Variants in NOC3L observed in about 807,000 individuals in gnomAD.
NOC3L encodes NOC3 like DNA replication regulator.
Under a neutral mutation model 102.5 loss-of-function variants are expected in NOC3L, and 85 were observed. The ratio of observed to expected loss-of-function variants is 0.83; its 90% confidence interval spans 0.70 to 0.99. NOC3L has a LOEUF of 0.99. NOC3L is among the 50% of genes least tolerant of loss of function. NOC3L has a pLI of 0.00. For synonymous variants in NOC3L, 303 were observed against 309.4 expected, an observed-to-expected ratio of 0.98 and a Z score of 0.22; for missense variants, 878 against 914.9, an observed-to-expected ratio of 0.96 and a Z score of 0.52.
At chr10:94,325,396 G>C in the NOC3L span, 1 of 315,440 alleles carries the variant, frequency 3.2e-6, no homozygotes, top group Admixed American at 4.6e-5. Flanking sequence ...GTCAGTTCAA[G>C]ACCAGCCTGA....
At chr10:94,346,581 T>C (rs2054346556) in intron 10 of NOC3L, 25 bp from the exon 11 acceptor site, 1 of 1,252,290 alleles carries the variant, frequency 8.0e-7, no homozygotes, top group Non-Finnish European at 1.1e-6. Context: ...AAAACACAAA[T>C]ATACAGCTTA....
At chr10:94,362,380 C>G (rs1029802374) in intron 1 of NOC3L, among the ~76,000 whole-genome samples, 1 of 152,188 alleles carries the variant, frequency 6.6e-6, no homozygotes, top group Admixed American at 6.5e-5. Flanking sequence ...GATTCCACTT[C>G]TCTTGCTGGT....
the NOC3L span, chr10:94,316,704 G>A: frequency 6.2e-7 from 1 of 1,614,082 alleles, no homozygotes; most frequent in Non-Finnish European, 8.5e-7. Flanking sequence ...TTAAGCAGCT[G>A]GTTTCCAGAA....
intron 13 of NOC3L, among the ~76,000 whole-genome samples, chr10:94,343,909 G>C (rs2054313879): frequency 6.6e-6 from 1 of 151,998 alleles, no homozygotes; most frequent in African/African-American, 2.4e-5. Context: ...ATGTTCTATA[G>C]GATACCACCT....
chr10:94,315,769 CAA>C, the NOC3L span, among the ~76,000 whole-genome samples: 34,727 of 121,558 alleles, frequency 0.29, 4,002 homozygotes, highest in Admixed American at 0.39. Flanking sequence ...GACTCTGTCT[CAA>C]AAAAAAAAAA....
chr10:94,331,678 CT>C (rs899274527), downstream of NOC3L: 2 of 152,122 alleles, frequency 1.3e-5, no homozygotes, highest in African/African-American at 4.8e-5. Context: ...GAGATTGTCT[CT>C]TATACAGAGT....
chr10:94,327,738 AAC>A, the NOC3L span, among the ~76,000 whole-genome samples: 1 of 152,200 alleles, frequency 6.6e-6, no homozygotes, highest in Non-Finnish European at 1.5e-5. Context: ...TTTTTAAAAA[AAC>A]AAACTTTCTA....
chr10:94,340,413 T>C lies in NOC3L; in HGVS notation c.1708+20A>G. 6.2e-7 allele frequency: 1 copy of C among 1,606,050 alleles called. No homozygotes were observed. Among genetic ancestry groups the C allele is most frequent in the Non-Finnish European group, 8.5e-7 (1 of 1,176,380 alleles). Reference sequence around the variant, plus strand: ...ATTCAAAGGTAAGGCAAACAAAACTTGATTAAGAAAATATCATACCTTGTC... The same window carrying C: ...ATTCAAAGGTAAGGCAAACAAAACTCGATTAAGAAAATATCATACCTTGTC... On this transcript the variant is annotated intron_variant, in intron 15 of 20. Transcript: ENST00000371361.
chr10:94,342,066 G>A (rs865968762), intron 13 of NOC3L, among the ~76,000 whole-genome samples: 1 of 152,172 alleles, frequency 6.6e-6, no homozygotes, highest in Non-Finnish European at 1.5e-5. Flanking sequence ...CGGCAGGATC[G>A]GCTTCTAAGA....
At chr10:94,324,988 T>C in the NOC3L span, 10 of 1,614,024 alleles carry the variant, frequency 6.2e-6, no homozygotes, top group Non-Finnish European at 6.8e-6. Context: ...TACATCACCT[T>C]CTCAGCTCTT....
chr10:94,320,310 A>AT, the NOC3L span, among the ~76,000 whole-genome samples: 4 of 151,924 alleles, frequency 2.6e-5, no homozygotes, highest in Non-Finnish European at 5.9e-5. Flanking sequence ...AATCAAATGG[A>AT]TTTTTTCACT....
rs1202096281 is a variant in NOC3L, at chr10:94,333,442, CAGAATGGT to C, written c.*727_*734del. The C allele has an allele frequency of 2.0e-5, 3 of 152,116 alleles. No homozygotes were observed. Among genetic ancestry groups the C allele is most frequent in the Non-Finnish European group, 4.4e-5 (3 of 68,014 alleles). 9.4% of individuals were successfully genotyped at this position (152,116 alleles called of 1,614,324 possible). On this transcript the variant is annotated 3_prime_UTR_variant, in exon 21 of 21. Coordinates refer to ENST00000371361, the MANE Select transcript of NOC3L (RefSeq NM_022451.11). ...CATTGAGTATCCTTTGTCTCTAGAT[CAGAATGGT>C]AAAGTCTTGGGCCTGGTTCTTCTAC...
rs1484111564 is a variant in NOC3L, at chr10:94,358,187, T to C, written c.246A>G (p.Glu82=). Residue 82 remains glutamate (E), a synonymous_variant, in exon 3 of 21, where the codon GAA becomes GAG. Coordinates refer to ENST00000371361, the MANE Select transcript of NOC3L (RefSeq NM_022451.11). ...TATCTAAAGGAAGGGCTTCTTCTTC[T>C]TCCTCTTCTTCCCTCTCAATCCTTT... ...PGKRIEREEE[E]EEEALPLDMM... The C allele has an allele frequency of 6.3e-6, 10 of 1,585,266 alleles. No homozygotes were observed. The highest frequency in any genetic ancestry group is 1.7e-5 in the Admixed American group (1 of 59,962).
At position 94,349,346 on chromosome 10, in the gene NOC3L, TTTCTTCAC is replaced by T; in HGVS notation, c.1153_1160del (p.Val385ThrfsTer3). 2 of 1,581,010 alleles carry T rather than the reference TTTCTTCAC, an allele frequency of 1.3e-6. No individual in the cohort carries two copies. The highest frequency in any genetic ancestry group is 1.7e-6 in the Non-Finnish European group (2 of 1,171,456). On this transcript the variant is annotated frameshift_variant, in exon 10 of 21. Coordinates refer to ENST00000371361, the MANE Select transcript of NOC3L (RefSeq NM_022451.11). LOFTEE classifies it high-confidence loss of function. The stretch of plus-strand genomic sequence containing the variant: ...GGCCTAATTTATCTTGCTTAAAGAG[TTTCTTCAC>T]AGCTTCACAACACATTTCAGATATC...
At chr10:94,324,821 T>C in the NOC3L span, 2 of 1,470,008 alleles carry the variant, frequency 1.4e-6, no homozygotes, top group Admixed American at 1.7e-5. Flanking sequence ...AGCGCTCTTC[T>C]GAAATAGTGT....
chr10:94,321,010 AAGATAC>A, the NOC3L span, among the ~76,000 whole-genome samples: 1 of 152,210 alleles, frequency 6.6e-6, no homozygotes, highest in African/African-American at 2.4e-5. Context: ...AATTTTTAAT[AAGATAC>A]ATATATCTGT....
At chr10:94,350,552 A>T (rs183835507) in intron 8 of NOC3L, among the ~76,000 whole-genome samples, 5 of 143,070 alleles carry the variant, frequency 3.5e-5, no homozygotes, top group African/African-American at 5.1e-5. Context: ...CTACTAACAT[A>T]AAAAAAAAAA....
Position 94,338,687 on chromosome 10 carries a change from C to T in NOC3L, c.2012G>A (p.Gly671Glu), listed in dbSNP as rs759511726. 1.7e-5 allele frequency: 28 copies of T among 1,613,170 alleles called. No homozygotes were observed. Among genetic ancestry groups the T allele is most frequent in the Middle Eastern group, 1.6e-4 (1 of 6,082 alleles). Reference sequence around the variant, plus strand: ...CTCATCCAGTTCAGGAAGGAAAACTCCACTTCCCTGAGATTCACTGTCAAG... The same window carrying T: ...CTCATCCAGTTCAGGAAGGAAAACTTCACTTCCCTGAGATTCACTGTCAAG... ...LLLDSESQGS[G>E]VFLPELDEPE... Residue 671 changes from glycine to glutamate, a missense_variant, in exon 18 of 21, where the codon GGA becomes GAA. By Grantham distance (98) the Gly-to-Glu change is moderately conservative. Coordinates refer to ENST00000371361, the MANE Select transcript of NOC3L (RefSeq NM_022451.11).
In NOC3L at chr10:94,336,684, T is replaced by A. The variant is rs560266150; in HGVS notation, c.2189+1093A>T. Among the ~76,000 whole-genome samples, 5 of 152,240 alleles carry A rather than the reference T, an allele frequency of 3.3e-5. No individual in the cohort carries two copies. The South Asian group carries it at 1.0e-3, about 32-fold the overall frequency. On this transcript the variant is annotated intron_variant, in intron 19 of 20. Coordinates refer to ENST00000371361, the MANE Select transcript of NOC3L (RefSeq NM_022451.11). ...ATAAGTTACCCAGTCTTAGGCATTT[T>A]TTATGGCACCATAAATGGACTGAGG...
Sources: gnomAD v4.1 joint callset for allele counts (sites outside exome capture counted in the v4.1 genomes callset) on GRCh38, gnomAD v4.1.1 for gene constraint, MANE v1.5 for transcripts, NCBI Gene and HGNC (gene_info 2026-07-23, HGNC 2026-07-21) for gene names.